SGO1: variants seen among roughly 807,000 people sequenced by gnomAD.
SGO1 encodes the protein serologically defined breast cancer antigen NY-BR-85.
Under a neutral mutation model 50.5 loss-of-function variants are expected in SGO1, and 39 were observed. That is an observed-to-expected ratio of 0.77 (90% CI 0.60 to 1.01). The LOEUF is 1.01. Ranked by LOEUF, SGO1 falls within the 50% of genes least tolerant of loss-of-function variation. The pLI, the probability that SGO1 is intolerant of heterozygous loss-of-function variation, is 0.00. For missense variants in SGO1, 638 were observed against 606.0 expected (o/e 1.05, Z -0.55); for synonymous variants, 191 against 205.1 (o/e 0.93, Z 0.59).
chr3:20,163,173 G>A (rs1375628312), intron 8 of SGO1, among the ~76,000 whole-genome samples: 1 of 152,000 alleles, frequency 6.6e-6, no homozygotes, highest in African/African-American at 2.4e-5. Flanking sequence ...ACTAAAAACT[G>A]GTTCTTTGAA....
downstream of SGO1, chr3:20,168,852 G>A (rs748577552): frequency 3.9e-4 from 254 of 647,804 alleles, no homozygotes; most frequent in Non-Finnish European, 4.5e-4. Context: ...GGATGGTCTC[G>A]ATCTCCTTGA....
At chr3:20,168,834 A>G (rs1369511276), downstream of SGO1, 6 of 476,632 alleles carry the variant, frequency 1.3e-5, no homozygotes, top group Admixed American at 3.2e-4. Flanking sequence ...GTTTCACCGT[A>G]TTAGCCAGGA....
rs1395638543 is a variant in SGO1 at position 20,161,332 on chromosome 3, T to C, written c.1565-106A>G. On this transcript the variant is annotated intron_variant, in intron 8 of 8. Coordinates refer to the SGO1 transcript ENST00000263753. Reference sequence around the variant, plus strand: ...AGTTCCATGAAGGATGAGCTCACAATAAAAAATTAGAAAATATGTGAGCAA... The same window carrying C: ...AGTTCCATGAAGGATGAGCTCACAACAAAAAATTAGAAAATATGTGAGCAA... 3 of 1,389,646 alleles carry C rather than the reference T, an allele frequency of 2.2e-6. No homozygotes were observed. The African/African-American group carries it at 4.5e-5, about 21-fold the overall frequency. The allele number at this position is 1,389,646 out of a possible 1,614,324, so 86.1% of individuals were successfully genotyped here.
At chr3:20,173,044 G>A (rs1700949320) in intron 6 of SGO1, among the ~76,000 whole-genome samples, 1 of 151,742 alleles carries the variant, frequency 6.6e-6, no homozygotes, top group Non-Finnish European at 1.5e-5. Flanking sequence ...GGCAATAACA[G>A]TATAATAAAC....
At chr3:20,176,917 T>A (rs1701461476) in intron 4 of SGO1, among the ~76,000 whole-genome samples, 1 of 152,170 alleles carries the variant, frequency 6.6e-6, no homozygotes, top group Non-Finnish European at 1.5e-5. Context: ...GAAAACACAT[T>A]ATATAACTCA....
intron 3 of SGO1, 152 bp from the exon 4 acceptor site, chr3:20,178,499 G>A: frequency 1.7e-6 from 1 of 582,984 alleles, no homozygotes; most frequent in South Asian, 2.5e-5. Context: ...AGCAGAGTAA[G>A]TCTTATCCTT....
chr3:20,168,644 G>GTT (rs1313336484), downstream of SGO1, among the ~76,000 whole-genome samples: 30 of 129,446 alleles, frequency 2.3e-4, no homozygotes, highest in East Asian at 4.6e-4. Context: ...CTGAGAAACT[G>GTT]TTTTTTTTTT....
At chr3:20,165,590 G>T (rs1025455047), downstream of SGO1, among the ~76,000 whole-genome samples, 2 of 152,090 alleles carry the variant, frequency 1.3e-5, no homozygotes, top group Non-Finnish European at 2.9e-5. Flanking sequence ...AACATAGAAA[G>T]ATAAGATGGT....
At chr3:20,161,366 AAG>A in intron 8 of SGO1, 1 of 1,313,446 alleles carries the variant, frequency 7.6e-7, no homozygotes, top group Non-Finnish European at 1.0e-6. Context: ...AAACAATCAA[AAG>A]TCAGCAGATA....
In SGO1 at chr3:20,171,256, A is replaced by C. The variant is rs752453447; in HGVS notation, c.1283-24T>G. On this transcript the variant is annotated intron_variant, in intron 6 of 7. Transcript: ENST00000412997. ...AGCTACAAAACAATTTTTACTGAAT[A>C]TGATTTAAAAAAAAAAACCCACACA... 3 of 1,515,250 alleles carry C rather than the reference A, an allele frequency of 2.0e-6. No homozygotes were observed. In the South Asian group the frequency reaches 3.9e-5, roughly 20 times the overall value. 93.9% of individuals were successfully genotyped at this position (1,515,250 alleles called of 1,614,324 possible). A position where few individuals can be genotyped will look rare whatever the true frequency, so the allele number is the denominator to read the frequency against.
At chr3:20,185,378 G>A (rs1042999644) in intron 1 of SGO1, among the ~76,000 whole-genome samples, 10 of 152,194 alleles carry the variant, frequency 6.6e-5, no homozygotes, top group Non-Finnish European at 1.3e-4. Context: ...CATATCAAAA[G>A]TTTTATATCC....
Position 20,174,983 on chromosome 3 carries a change from T to G in SGO1, c.548A>C (p.Asn183Thr). Reference protein sequence around the residue: ...FDSGEAKSTDNVLPRTVSVRS... With the variant: ...FDSGEAKSTDTVLPRTVSVRS... Reference sequence around the variant, plus strand: ...AACAGATACAGTTCTAGGTAAGACATTATCAGTAGACTTAGCTTCACCTGA... The same window carrying G: ...AACAGATACAGTTCTAGGTAAGACAGTATCAGTAGACTTAGCTTCACCTGA... Residue 183 changes from asparagine (N) to threonine (T), a missense_variant, in exon 6 of 8, where the codon AAT becomes ACT. Asn to Thr is a moderately conservative substitution (Grantham distance 65). Coordinates refer to ENST00000412997, the MANE Select transcript of SGO1 (RefSeq NM_001199251.3). The G allele has an allele frequency of 5.0e-6, 8 of 1,609,464 alleles. No homozygotes were observed. The highest frequency in any genetic ancestry group is 5.9e-6 in the Non-Finnish European group (7 of 1,177,470).
Position 20,174,882 on chromosome 3 carries a change from C to A in SGO1, c.649G>T (p.Ala217Ser), listed in dbSNP as rs202142252. 5.1e-5 allele frequency: 82 copies of A among 1,613,816 alleles called. No individual in the cohort carries two copies. Among genetic ancestry groups the A allele is most frequent in the Non-Finnish European group, 5.5e-5 (65 of 1,179,950 alleles). ...CTTTCGAATTCAAAAGACTTCCCTG[C>A]CAAATGACTGGTTTCAAAATCATCC... ...SLDDFETSHL[A>S]GKSFEFERVG... The change falls in exon 6 of 8, where the codon GCA becomes TCA. Residue 217 changes from alanine (A) to serine (S), a missense_variant. Transcript: ENST00000412997.
downstream of SGO1, among the ~76,000 whole-genome samples, chr3:20,165,693 A>C (rs1447172997): frequency 1.3e-5 from 2 of 152,190 alleles, no homozygotes; most frequent in Admixed American, 1.3e-4. Context: ...TGATACCGAA[A>C]ATAGGTGTAT....
At chr3:20,174,094 A>G in intron 6 of SGO1, 155 bp downstream of exon 6, 1 of 625,570 alleles carries the variant, frequency 1.6e-6, no homozygotes, top group South Asian at 2.3e-5. Flanking sequence ...CCAGCCCCCC[A>G]CTGTTTAATC....
chr3:20,173,909 C>T (rs1701059739), intron 6 of SGO1, among the ~76,000 whole-genome samples: 1 of 152,174 alleles, frequency 6.6e-6, no homozygotes, highest in Admixed American at 6.5e-5. Flanking sequence ...AATTTGATTT[C>T]ACTTTCAAGG....
chr3:20,181,272 AAC>A (rs1701991415), intron 3 of SGO1, among the ~76,000 whole-genome samples: 1 of 152,264 alleles, frequency 6.6e-6, no homozygotes, highest in African/African-American at 2.4e-5. Flanking sequence ...ATACTAATAT[AAC>A]TTAAAAACAA....
chr3:20,169,287 T>C (rs1454767501), downstream of SGO1: 2 of 984,752 alleles, frequency 2.0e-6, no homozygotes, highest in Non-Finnish European at 2.4e-6. Flanking sequence ...AAGTGTTAGG[T>C]TGAAAGTATG....
chr3:20,185,480 A>G (rs908325846), intron 1 of SGO1, among the ~76,000 whole-genome samples: 5 of 152,154 alleles, frequency 3.3e-5, no homozygotes, highest in African/African-American at 9.7e-5. Context: ...GACGGTCTCA[A>G]TCTGTACAGT....
Sources: allele counts gnomAD v4.1 joint callset (sites outside exome capture counted in the v4.1 genomes callset), GRCh38; gene constraint gnomAD v4.1.1; transcripts MANE v1.5; gene names NCBI Gene and HGNC (gene_info 2026-07-23, HGNC 2026-07-21).